DENND10: variants seen among roughly 807,000 people sequenced by gnomAD.
DENND10 encodes DENN domain-containing protein 10.
Under a neutral mutation model 43.6 loss-of-function variants are expected in DENND10, and 24 were observed. That is an observed-to-expected ratio of 0.55 (90% CI 0.40 to 0.77). The LOEUF is 0.77. DENND10 is among the 30% of genes least tolerant of loss of function. The probability of loss-of-function intolerance (pLI) is 0.00; values close to 1 mark genes in which losing one functional copy is unlikely to be tolerated. For missense variants in DENND10, 303 were observed against 429.9 expected (o/e 0.70, Z 2.61); for synonymous variants, 125 against 157.6 (o/e 0.79, Z 1.55).
intron 1 of DENND10, among the ~76,000 whole-genome samples, chr10:119,107,147 T>A (rs975126763): frequency 6.6e-6 from 1 of 151,988 alleles, no homozygotes; most frequent in Admixed American, 6.6e-5. Context: ...CGAAACCCTG[T>A]CTCTACTAAA....
intron 6 of DENND10, among the ~76,000 whole-genome samples, chr10:119,124,693 T>A (rs942603993): frequency 5.3e-5 from 8 of 152,144 alleles, no homozygotes; most frequent in Admixed American, 2.6e-4. Flanking sequence ...TACATTTACC[T>A]TTTTAACCAT....
chr10:119,120,458 A>T lies in DENND10; in HGVS notation c.593+6A>T. On this transcript the variant is annotated splice_donor_region_variant and intron_variant, in intron 5 of 8. Transcript: ENST00000361432. The stretch of plus-strand genomic sequence containing the variant: ...GCGGTCCAGGAGTTCACCAGGTATC[A>T]CCTCTAATTATAAAAAAGTGTTAAC... 1 of 1,549,596 alleles carries T rather than the reference A, an allele frequency of 6.5e-7. No individual in the cohort carries two copies. The highest frequency in any genetic ancestry group is 8.9e-7 in the Non-Finnish European group (1 of 1,121,712).
chr10:119,116,021 C>T (rs149948474), intron 3 of DENND10, among the ~76,000 whole-genome samples: 2,257 of 152,286 alleles, frequency 0.015, 28 homozygotes, highest in Non-Finnish European at 0.023. Flanking sequence ...ACCTTGGCCT[C>T]CCAAAGTGCC....
At chr10:119,136,417 A>C (rs1846362963) in intron 8 of DENND10, 54 bp from the exon 9 acceptor site, 1 of 1,556,936 alleles carries the variant, frequency 6.4e-7, no homozygotes, top group Non-Finnish European at 8.7e-7. Flanking sequence ...TAGAGACTAA[A>C]TATTCAAATT....
intron 7 of DENND10, among the ~76,000 whole-genome samples, chr10:119,130,730 G>T (rs1232734751): frequency 7.9e-5 from 12 of 152,330 alleles, no homozygotes; most frequent in African/African-American, 2.9e-4. Flanking sequence ...TGGAACATCC[G>T]CTTTCAATGT....
chr10:119,120,197 A>G (rs955581008), intron 4 of DENND10, 144 bp from the exon 5 acceptor site: 11 of 527,274 alleles, frequency 2.1e-5, no homozygotes, highest in African/African-American at 3.9e-5. Flanking sequence ...GCGGTGAGCA[A>G]CTATCTTGCC....
At position 119,132,843 on chromosome 10, in the gene DENND10, C is replaced by T. The variant is rs1412222697; in HGVS notation, c.897+234C>T. On this transcript the variant is annotated intron_variant, in intron 8 of 8. Transcript: ENST00000361432. This position sits in a 1 kb window ranked among gnomAD's most constrained non-coding sequence, Gnocchi z 4.2. ...TATACACAGGGGCTGGTGCTGACACCGACCGCTGGCAATGAGAAATGTAAC... is the reference window on the plus strand; with the variant it reads ...TATACACAGGGGCTGGTGCTGACACTGACCGCTGGCAATGAGAAATGTAAC... 8.3e-6 allele frequency: 4 copies of T among 481,906 alleles called. No individual in the cohort carries two copies. The highest frequency in any genetic ancestry group is 3.3e-5 in the East Asian group (1 of 30,316). The allele number at this position is 481,906 out of a possible 1,614,324, so 29.9% of individuals were successfully genotyped here.
intron 3 of DENND10, among the ~76,000 whole-genome samples, chr10:119,115,474 G>A (rs1234490946): frequency 1.6e-4 from 14 of 89,254 alleles, no homozygotes; most frequent in Admixed American, 1.3e-3. Context: ...TGCAAGCTCC[G>A]CCTCCCGGGT....
rs1441694549 is a variant in DENND10, at chr10:119,104,212, GC to G, written c.55+18del. On this transcript the variant is annotated intron_variant, in intron 1 of 8. Transcript: ENST00000361432. The stretch of plus-strand genomic sequence containing the variant: ...CGGGCTGATCGGTGAGGACGTAGGC[GC>G]CCTGCCTGGAAGCCCGCACCCTGGT... 11 of 1,509,032 alleles carry G rather than the reference GC, an allele frequency of 7.3e-6. No homozygotes were observed. Among genetic ancestry groups the G allele is most frequent in the Non-Finnish European group, 9.7e-6 (11 of 1,129,380 alleles). The allele number at this position is 1,509,032 out of a possible 1,614,324, so 93.5% of individuals were successfully genotyped here. A position where few individuals can be genotyped will look rare whatever the true frequency, so the allele number is the denominator to read the frequency against.
chr10:119,129,372 T>G, intron 6 of DENND10, 143 bp from the exon 7 acceptor site: 1 of 623,388 alleles, frequency 1.6e-6, no homozygotes, highest in Non-Finnish European at 2.9e-6. Flanking sequence ...GTAGTCTTAC[T>G]AACTGCCACA....
rs562455411 is a variant in DENND10 at position 119,130,588 on chromosome 10, A to G, written c.802+966A>G. ...GCTGGGGTTACAGGCGTGAGCCATCATGTTCTAAAACAACACATATTTATC... is the reference window on the plus strand; with the variant it reads ...GCTGGGGTTACAGGCGTGAGCCATCGTGTTCTAAAACAACACATATTTATC... On this transcript the variant is annotated intron_variant, in intron 7 of 8. Coordinates refer to ENST00000361432, the MANE Select transcript of DENND10 (RefSeq NM_207009.4). Among the ~76,000 whole-genome samples, 5 of 152,330 alleles carry G rather than the reference A, an allele frequency of 3.3e-5. No individual in the cohort carries two copies. The South Asian group carries it at 6.2e-4, about 19-fold the overall frequency.
At chr10:119,119,077 G>T (rs901246137) in intron 4 of DENND10, among the ~76,000 whole-genome samples, 4 of 149,200 alleles carry the variant, frequency 2.7e-5, no homozygotes, top group Non-Finnish European at 5.9e-5. Flanking sequence ...TGGGTGGCGC[G>T]ATCTTGGCTC....
At chr10:119,126,853 C>T (rs1209387205) in intron 6 of DENND10, among the ~76,000 whole-genome samples, 1 of 151,890 alleles carries the variant, frequency 6.6e-6, no homozygotes, top group East Asian at 1.9e-4. Context: ...GCATGAGCCA[C>T]TGTGCCTGGC....
chr10:119,116,722 G>A (rs1845300978), intron 3 of DENND10, among the ~76,000 whole-genome samples: 1 of 145,074 alleles, frequency 6.9e-6, no homozygotes, highest in Non-Finnish European at 1.5e-5. Flanking sequence ...AGGCTGGAAT[G>A]CAGTGGTGCA....
At position 119,124,371 on chromosome 10, in the gene DENND10, CAA is replaced by C. The variant is rs1175412178; in HGVS notation, c.694+821_694+822del. Among the ~76,000 whole-genome samples, 17 of 104,828 alleles carry C rather than the reference CAA, an allele frequency of 1.6e-4. No individual in the cohort carries two copies. In the East Asian group the frequency reaches 2.9e-3, roughly 18 times the overall value. The allele number at this position is 104,828 out of a possible 152,430, so 68.8% of individuals were successfully genotyped here. On this transcript the variant is annotated intron_variant, in intron 6 of 8. Coordinates refer to ENST00000361432, the MANE Select transcript of DENND10 (RefSeq NM_207009.4). Reference sequence around the variant, plus strand: ...GGAAACCGTATCTCTACTAAAATACCAAAAAAAAAAAAAAAAAAAATTAGCCG... The same window carrying C: ...GGAAACCGTATCTCTACTAAAATACCAAAAAAAAAAAAAAAAAATTAGCCG...
intron 6 of DENND10, among the ~76,000 whole-genome samples, chr10:119,126,383 T>C (rs1268343467): frequency 6.6e-6 from 1 of 152,246 alleles, no homozygotes; most frequent in African/African-American, 2.4e-5. Flanking sequence ...TTCCATACTG[T>C]TCTCCATAGT....
In DENND10 at chr10:119,123,665, A is replaced by AGGTAGACAAGAGG. The variant is rs1845692163; in HGVS notation, c.694+96_694+97insGGTAGACAAGAGG. ...ACTCTTGTTGCCCAGGATGGAGTGC[A>AGGTAGACAAGAGG]ATGGCACGATCTTAGCTCACCGCAA... is the stretch of plus-strand genomic sequence containing the variant. On this transcript the variant is annotated intron_variant, in intron 6 of 8. Coordinates refer to ENST00000361432, the MANE Select transcript of DENND10 (RefSeq NM_207009.4). The AGGTAGACAAGAGG allele has an allele frequency of 8.6e-6, 8 of 926,732 alleles. No homozygotes were observed. The East Asian group carries it at 1.1e-4, about 12-fold the overall frequency. 57.4% of individuals were successfully genotyped at this position (926,732 alleles called of 1,614,324 possible).
chr10:119,113,477 G>A (rs1035088243), intron 3 of DENND10, among the ~76,000 whole-genome samples: 4 of 148,338 alleles, frequency 2.7e-5, no homozygotes, highest in Non-Finnish European at 4.5e-5. Context: ...GATTACAAAC[G>A]TGAGCCACTG....
chr10:119,104,257 C>A (rs1844570573), intron 1 of DENND10, 60 bp downstream of exon 1: 6 of 1,437,084 alleles, frequency 4.2e-6, no homozygotes, highest in Non-Finnish European at 5.5e-6. Context: ...TGCTCCACCT[C>A]GGCCCGGGGC....
Sources: gnomAD v4.1 joint callset for allele counts (sites outside exome capture counted in the v4.1 genomes callset) on GRCh38, gnomAD v4.1.1 for gene constraint, Gnocchi (gnomAD v3.1) non-coding constraint, MANE v1.5 for transcripts, NCBI Gene and HGNC (gene_info 2026-07-23, HGNC 2026-07-21) for gene names.